Variants in PDE4B observed in about 807,000 individuals in gnomAD.
PDE4B encodes phosphodiesterase 4B, also known as 3',5'-cyclic-AMP phosphodiesterase 4B.
Under a neutral mutation model 82.2 loss-of-function variants are expected in PDE4B, and 20 were observed. The observed-to-expected ratio is 0.24, with a 90% CI of 0.17 to 0.35. The LOEUF (loss-of-function observed/expected upper bound fraction) is 0.35, where lower values mean the gene tolerates loss of function less well. PDE4B is among the 10% of genes least tolerant of loss of function. The probability of loss-of-function intolerance (pLI) is 1.00; values close to 1 mark genes in which losing one functional copy is unlikely to be tolerated. For synonymous variants in PDE4B, 320 were observed against 318.9 expected, an observed-to-expected ratio of 1.00 and a Z score of -0.04; for missense variants, 655 against 907.2, an observed-to-expected ratio of 0.72 and a Z score of 3.57.
At chr1:65,964,903 GTGGATATA>G (rs1649734774) in intron 3 of PDE4B, among the ~76,000 whole-genome samples, 1 of 20,612 alleles carries the variant, frequency 4.9e-5, no homozygotes, top group African/African-American at 1.9e-4. Flanking sequence ...GTTATACCCA[GTGGATATA>G]TCTGGGGAGA....
intron 3 of PDE4B, among the ~76,000 whole-genome samples, chr1:66,203,338 T>C (rs185104197): frequency 2.9e-4 from 44 of 152,258 alleles, no homozygotes; most frequent in Non-Finnish European, 1.5e-4. Flanking sequence ...GGAGTTGCTC[T>C]TCTCGAGGAG....
At chr1:65,878,424 A>T (rs1171815799) in intron 1 of PDE4B, among the ~76,000 whole-genome samples, 1 of 152,224 alleles carries the variant, frequency 6.6e-6, no homozygotes, top group Non-Finnish European at 1.5e-5. Flanking sequence ...ATAAAGACAC[A>T]TGCACACTTA....
At chr1:65,815,045 A>G (rs1354987185) in intron 1 of PDE4B, among the ~76,000 whole-genome samples, 1 of 146,894 alleles carries the variant, frequency 6.8e-6, no homozygotes, top group African/African-American at 2.5e-5. Flanking sequence ...TTATTTATTT[A>G]TTTATTTATT....
rs1042059918 is a variant in PDE4B, at chr1:66,226,229, A to G, written c.282-21231A>G. 5.9e-5 allele frequency among the ~76,000 whole-genome samples: 9 copies of G among 152,284 alleles called. No homozygotes were observed. The South Asian group carries it at 1.9e-3, about 32-fold the overall frequency. ...ATCTCTTGTCTGACCAGTTTTATTT[A>G]AAATATCTTTGTTGAGGGTCTTCTA... On this transcript the variant is annotated intron_variant, in intron 3 of 16. Transcript: ENST00000341517.
chr1:65,876,485 T>G (rs998417673), intron 1 of PDE4B, among the ~76,000 whole-genome samples: 1 of 152,100 alleles, frequency 6.6e-6, no homozygotes, highest in Non-Finnish European at 1.5e-5. Context: ...GAGTTAAATT[T>G]GTTAAATTAG....
rs763773373 is a variant in PDE4B, at chr1:65,918,665, C to T, written c.111C>T (p.Ile37=). 1.3e-5 allele frequency: 21 copies of T among 1,613,624 alleles called. No individual in the cohort carries two copies. Among genetic ancestry groups the T allele is most frequent in the Non-Finnish European group, 1.4e-5 (17 of 1,179,684 alleles). The part of the protein sequence containing the change: ...SYSSSSNTLG[I]DLWRGRRCCS... The stretch of plus-strand genomic sequence containing the variant: ...GTTCTTCCAGTAACACACTTGGGAT[C>T]GACCTCTGGAGAGGGAGAAGGTGTT... The change falls in exon 3 of 17, where the codon ATC becomes ATT. Residue 37 remains isoleucine, a synonymous_variant. Coordinates refer to ENST00000341517, the MANE Select transcript of PDE4B (RefSeq NM_002600.4).
Position 66,088,918 on chromosome 1 carries a change from G to T in PDE4B, c.282-158542G>T, listed in dbSNP as rs146580265. Among the ~76,000 whole-genome samples, 154 of 152,224 alleles carry T rather than the reference G, an allele frequency of 1.0e-3. 1 individual carries two copies. The East Asian group carries it at 0.025, about 24-fold the overall frequency. Reference sequence around the variant, plus strand: ...TTTTTTCTGCATCTGCAGCCTTGGAGATAGAAGCCCTACCAACAAGGGTTC... The same window carrying T: ...TTTTTTCTGCATCTGCAGCCTTGGATATAGAAGCCCTACCAACAAGGGTTC... On this transcript the variant is annotated intron_variant, in intron 3 of 16. Transcript: ENST00000341517.
chr1:65,800,599 C>T (rs998688095), intron 1 of PDE4B, among the ~76,000 whole-genome samples: 2 of 152,110 alleles, frequency 1.3e-5, no homozygotes, highest in Non-Finnish European at 2.9e-5. Context: ...AAGTTCTTTC[C>T]AGCATTATCA....
At chr1:66,292,324 AG>A in intron 7 of PDE4B, among the ~76,000 whole-genome samples, 1 of 152,214 alleles carries the variant, frequency 6.6e-6, no homozygotes, top group East Asian at 1.9e-4. Context: ...GATTATCATT[AG>A]CCCCATTTTG....
intron 3 of PDE4B, among the ~76,000 whole-genome samples, chr1:65,989,320 G>A (rs930043352): frequency 1.3e-5 from 2 of 151,896 alleles, no homozygotes; most frequent in African/African-American, 4.8e-5. Context: ...GGCCAACATC[G>A]TGAAACCTGT....
chr1:65,874,962 A>C (rs1322440645), intron 1 of PDE4B, among the ~76,000 whole-genome samples: 2 of 151,804 alleles, frequency 1.3e-5, no homozygotes, highest in East Asian at 3.9e-4. Context: ...GATCTAATTA[A>C]ACCAAAGAGC....
intron 7 of PDE4B, among the ~76,000 whole-genome samples, chr1:66,286,845 C>A (rs1348232902): frequency 6.6e-6 from 1 of 152,070 alleles, no homozygotes; most frequent in Non-Finnish European, 1.5e-5. Flanking sequence ...CTTTAATATT[C>A]AGTCTTTCAG....
chr1:65,918,954 T>G (rs1031365869), intron 3 of PDE4B, 119 bp downstream of exon 3: 1 of 665,448 alleles, frequency 1.5e-6, no homozygotes, highest in Non-Finnish European at 2.7e-6. Flanking sequence ...ATTGACATTT[T>G]GAGAATTCGT....
intron 1 of PDE4B, among the ~76,000 whole-genome samples, chr1:65,895,546 T>C (rs1646899786): frequency 2.2e-5 from 2 of 90,526 alleles, no homozygotes; most frequent in African/African-American, 8.2e-5. Context: ...TGAGACACTG[T>C]CTCAAAAAAA....
At chr1:66,096,328 T>G (rs1187250294) in intron 3 of PDE4B, among the ~76,000 whole-genome samples, 2 of 151,260 alleles carry the variant, frequency 1.3e-5, no homozygotes, top group African/African-American at 4.8e-5. Flanking sequence ...ATCATTTACA[T>G]GCAATAAACA....
intron 3 of PDE4B, among the ~76,000 whole-genome samples, chr1:65,998,842 A>C (rs1651699690): frequency 6.6e-6 from 1 of 151,054 alleles, no homozygotes; most frequent in African/African-American, 2.4e-5. Context: ...TTTGTATTTT[A>C]CTTTAAGTGC....
At chr1:65,978,114 G>A (rs113436063) in intron 3 of PDE4B, among the ~76,000 whole-genome samples, 9,368 of 147,194 alleles carry the variant, frequency 0.064, 342 homozygotes, top group Middle Eastern at 0.2. Context: ...TGCAACGTCC[G>A]CCTCCCAGGT....
chr1:66,079,427 G>A (rs529271339), intron 3 of PDE4B, among the ~76,000 whole-genome samples: 10 of 152,206 alleles, frequency 6.6e-5, no homozygotes, highest in African/African-American at 2.4e-4. Context: ...CAGGTTACAT[G>A]TGAAATATGC....
intron 3 of PDE4B, among the ~76,000 whole-genome samples, chr1:66,009,919 A>G (rs28605696): frequency 0.36 from 52,683 of 145,316 alleles, 10,990 homozygotes; most frequent in Non-Finnish European, 0.47. Context: ...CTATCTATCT[A>G]TCTATCTATC....
Sources: allele counts gnomAD v4.1 joint callset (sites outside exome capture counted in the v4.1 genomes callset), GRCh38; gene constraint gnomAD v4.1.1; transcripts MANE v1.5; gene names NCBI Gene and HGNC (gene_info 2026-07-23, HGNC 2026-07-21).